Variants in TBX1 observed in about 807,000 individuals in gnomAD.
TBX1 encodes the protein T-box transcription factor TBX1.
TBX1 carries 16 observed loss-of-function variants against 40.8 expected under a neutral mutation model. The observed-to-expected ratio is 0.39, with a 90% CI of 0.27 to 0.60. TBX1 has a LOEUF of 0.60. Among genes scored for constraint, TBX1 ranks in the 20% least tolerant of loss-of-function variants. The pLI is 0.51. For missense variants in TBX1, 755 were observed against 728.5 expected (o/e 1.04, Z -0.42); for synonymous variants, 403 against 336.8 (o/e 1.20, Z -2.15).
downstream of TBX1, among the ~76,000 whole-genome samples, chr22:19,770,459 C>T (rs987707580): frequency 2.6e-5 from 4 of 152,228 alleles, no homozygotes; most frequent in Non-Finnish European, 5.9e-5. Context: ...GGACAATGGG[C>T]ACTCCATTGC....
rs183232989 is a variant in TBX1, at chr22:19,775,929, G to T, written c.1010-3291G>T. On this transcript the variant is annotated intron_variant, in intron 8 of 8. Transcript: ENST00000329705. ...GGTGGCTGCCAGGCTGTGCTGGAGA[G>T]GGCTGGGCATCAGAAGGCTGGTGAC... Among the ~76,000 whole-genome samples, 25 of 152,306 alleles carry T rather than the reference G, an allele frequency of 1.6e-4. No individual in the cohort carries two copies. In the East Asian group the frequency reaches 4.3e-3, roughly 26 times the overall value.
At chr22:19,767,951 G>A (rs1409236854), downstream of TBX1, among the ~76,000 whole-genome samples, 2 of 152,210 alleles carry the variant, frequency 1.3e-5, no homozygotes, top group Non-Finnish European at 2.9e-5. Context: ...CTGGCCAGGG[G>A]GCACAATGAC....
upstream of TBX1, among the ~76,000 whole-genome samples, chr22:19,758,419 G>A (rs969781086): frequency 3.3e-5 from 5 of 152,334 alleles, no homozygotes; most frequent in Admixed American, 6.5e-5. Flanking sequence ...CTGGTTAGAG[G>A]AGACCCTGGA....
At chr22:19,762,518 G>A (rs1219762273) in intron 1 of TBX1, among the ~76,000 whole-genome samples, 1 of 152,258 alleles carries the variant, frequency 6.6e-6, no homozygotes, top group Non-Finnish European at 1.5e-5. Flanking sequence ...CCTTTCAAGA[G>A]CCCTGACTGG....
At position 19,767,026 on chromosome 22, in the gene TBX1, C is replaced by G. The variant is rs1936885447; in HGVS notation, c.*159C>G. ...AGCCTCGAAGCCATGGGGGCCCCCT[C>G]GCCACCCCCAGCCCCTTGGGCTATC... On this transcript the variant is annotated 3_prime_UTR_variant, in exon 7 of 7. Transcript: ENST00000649276. 6 of 1,354,556 alleles carry G rather than the reference C, an allele frequency of 4.4e-6. No individual in the cohort carries two copies. In the South Asian group the frequency reaches 1.0e-4, roughly 23 times the overall value. The allele number at this position is 1,354,556 out of a possible 1,614,324, so 83.9% of individuals were successfully genotyped here.
rs1208855517 is a variant in TBX1 at position 19,763,184 on chromosome 22, G to C, written c.438-57G>C. The C allele has an allele frequency of 1.4e-5, 21 of 1,468,068 alleles. No individual in the cohort carries two copies. In the East Asian group the frequency reaches 4.5e-4, roughly 32 times the overall value. The allele number at this position is 1,468,068 out of a possible 1,614,324, so 90.9% of individuals were successfully genotyped here. On this transcript the variant is annotated intron_variant, in intron 1 of 6. Transcript: ENST00000649276. ...GCAGAGGGGCCGCCAGCCCCAGGCA[G>C]GTCAAGGGGGGCTGCCTTCCACCAG...
rs1177686531 is a variant in TBX1, at chr22:19,760,932, TG to T, written c.94del (p.Ala32ProfsTer79). On this transcript the variant is annotated frameshift_variant, in exon 1 of 7. Coordinates refer to ENST00000649276, the MANE Select transcript of TBX1 (RefSeq NM_001379200.1). LOFTEE classifies it high-confidence loss of function. ...TTCACGGCCAGCAGCCTGAGCAGCC[TG>T]GGGGCCGCGGGGGGCTTCCCGGGCG... ...AAFTASSLSS[L>X]GAAGGFPGAA... is the part of the protein sequence containing the mutation. The T allele has an allele frequency of 1.4e-5, 14 of 1,020,912 alleles. No individual in the cohort carries two copies. The highest frequency in any genetic ancestry group is 1.3e-4 in the South Asian group (4 of 31,864). 63.2% of individuals were successfully genotyped at this position (1,020,912 alleles called of 1,614,324 possible).
Position 19,766,418 on chromosome 22 carries a change from C to A in TBX1, c.1066C>A (p.Arg356Ser), listed in dbSNP as rs1046395605. The A allele has an allele frequency of 6.0e-6, 8 of 1,343,218 alleles. No individual in the cohort carries two copies. The highest frequency in any genetic ancestry group is 1.7e-5 in the South Asian group (1 of 57,540). 83.2% of individuals were successfully genotyped at this position (1,343,218 alleles called of 1,614,324 possible). ...GGCTGAGGCCCGGCGAGAATTCCAG[C>A]GCGACGCGGGCGGGCCAGCAGTGCT... ...DAAEARREFQRDAGGPAVLGD... is the reference protein window; with the variant it reads ...DAAEARREFQSDAGGPAVLGD... The change falls in exon 7 of 7, where the codon CGC (arginine) becomes AGC (serine). Residue 356 changes from arginine to serine, a missense_variant. Physicochemically the swap from Arg to Ser is moderately radical, Grantham distance 110 (BLOSUM62 -1). Coordinates refer to ENST00000649276, the MANE Select transcript of TBX1 (RefSeq NM_001379200.1).
chr22:19,771,669 C>A (rs1936992459), downstream of TBX1, among the ~76,000 whole-genome samples: 1 of 152,226 alleles, frequency 6.6e-6, no homozygotes, highest in Admixed American at 6.5e-5. Flanking sequence ...TCCTGCAGTG[C>A]AGACCCCCAG....
At chr22:19,758,827 T>A (rs1301423387), upstream of TBX1, among the ~76,000 whole-genome samples, 1 of 152,226 alleles carries the variant, frequency 6.6e-6, no homozygotes, top group Non-Finnish European at 1.5e-5. Flanking sequence ...AGCGTCCCTC[T>A]GCTGGGGTCT....
At chr22:19,770,750 C>T (rs1272003636), downstream of TBX1, among the ~76,000 whole-genome samples, 3 of 152,188 alleles carry the variant, frequency 2.0e-5, no homozygotes, top group African/African-American at 7.2e-5. Flanking sequence ...GATCAAAGCA[C>T]CCGCATACCA....
chr22:19,772,380 A>C (rs1017571591), intron 8 of TBX1, among the ~76,000 whole-genome samples: 5 of 151,998 alleles, frequency 3.3e-5, no homozygotes, highest in African/African-American at 1.2e-4. Flanking sequence ...ATCATGGCTC[A>C]CTGTAGCCTC....
At chr22:19,767,469 C>G (rs1936904030), downstream of TBX1, 9 of 841,180 alleles carry the variant, frequency 1.1e-5, no homozygotes, top group Non-Finnish European at 1.3e-5. Context: ...GGTCCCGGTC[C>G]CACAGCGCCC....
At chr22:19,777,418 C>T (rs1172040770) in intron 8 of TBX1, among the ~76,000 whole-genome samples, 2 of 152,170 alleles carry the variant, frequency 1.3e-5, no homozygotes. Context: ...GCATAGTATT[C>T]CATGGTGTAT....
At chr22:19,780,201 G>A (rs532925406), downstream of TBX1, among the ~76,000 whole-genome samples, 6 of 152,186 alleles carry the variant, frequency 3.9e-5, no homozygotes, top group Non-Finnish European at 8.8e-5. Flanking sequence ...ACATGACTGT[G>A]CAGCCATCAC....
intron 8 of TBX1, among the ~76,000 whole-genome samples, chr22:19,774,402 T>C (rs990357424): frequency 6.6e-6 from 1 of 152,156 alleles, no homozygotes; most frequent in Admixed American, 6.5e-5. Flanking sequence ...GACAGAGCAA[T>C]ATCTTGTCTC....
chr22:19,773,284 T>TG (rs1243167303), intron 8 of TBX1, among the ~76,000 whole-genome samples: 4 of 152,146 alleles, frequency 2.6e-5, no homozygotes, highest in Non-Finnish European at 5.9e-5. Context: ...GCCCGAGCTC[T>TG]GGGGACAAGA....
chr22:19,760,192 GA>G (rs1197994666), upstream of TBX1, among the ~76,000 whole-genome samples: 5 of 127,276 alleles, frequency 3.9e-5, no homozygotes, highest in African/African-American at 1.5e-4. Context: ...TCATAAAAAA[GA>G]AAAAAAGGAA....
chr22:19,769,616 G>A (rs1435888238), downstream of TBX1, among the ~76,000 whole-genome samples: 2 of 152,248 alleles, frequency 1.3e-5, no homozygotes, highest in African/African-American at 4.8e-5. Context: ...CTGTCTGGCT[G>A]ATGCCCCAGC....
Sources: gnomAD v4.1 joint callset for allele counts (sites outside exome capture counted in the v4.1 genomes callset) on GRCh38, gnomAD v4.1.1 for gene constraint, MANE v1.5 for transcripts, NCBI Gene and HGNC (gene_info 2026-07-23, HGNC 2026-07-21) for gene names.